The following OR10J1 variants were observed in gnomAD, a reference collection of about 807,000 sequenced individuals.
OR10J1 encodes the protein olfactory receptor 10J1.
For missense variants in OR10J1, 474 were observed against 376.6 expected, an observed-to-expected ratio of 1.26 and a Z score of -2.14; for synonymous variants, 202 against 143.8, an observed-to-expected ratio of 1.40 and a Z score of -2.89.
the OR10J1 span, among the ~76,000 whole-genome samples, chr1:159,411,556 T>C: frequency 1.3e-5 from 2 of 152,116 alleles, no homozygotes; most frequent in Non-Finnish European, 2.9e-5. Context: ...GCTTGGTAGA[T>C]CTTCCTCCAT....
the OR10J1 span, chr1:159,432,337 T>C: frequency 2.5e-6 from 1 of 401,454 alleles, no homozygotes. Flanking sequence ...AGCAATGCTA[T>C]CATCTTGATA....
At chr1:159,422,747 A>G in the OR10J1 span, among the ~76,000 whole-genome samples, 2 of 152,176 alleles carry the variant, frequency 1.3e-5, no homozygotes, top group African/African-American at 2.4e-5. Context: ...GAAGTTCCCT[A>G]TGTAAGTTTC....
Position 159,440,705 on chromosome 1 carries a change from G to T in OR10J1, c.914G>T (p.Gly305Val), listed in dbSNP as rs200953384. 221 of 1,609,962 alleles carry T rather than the reference G, an allele frequency of 1.4e-4. No individual in the cohort carries two copies. The highest frequency in any genetic ancestry group is 1.8e-4 in the Non-Finnish European group (209 of 1,176,824). ...EVKDALCRAV[G>V]GKFS ...AAAGATGCTCTGTGCAGGGCTGTTG[G>T]TGGGAAGTTTTCCTGACCATGTAGG... is the stretch of plus-strand genomic sequence containing the variant. The change falls in exon 1 of 1, where the codon GGT (glycine) becomes GTT (valine). Residue 305 changes from glycine to valine, a missense_variant. Coordinates refer to ENST00000423932, the MANE Select transcript of OR10J1 (RefSeq NM_012351.3).
the OR10J1 span, among the ~76,000 whole-genome samples, chr1:159,425,187 C>G: frequency 2.0e-5 from 3 of 152,088 alleles, no homozygotes; most frequent in Non-Finnish European, 2.9e-5. Context: ...AAAAAATTTA[C>G]ATCCCATGTT....
At chr1:159,401,265 T>C in the OR10J1 span, among the ~76,000 whole-genome samples, 14 of 151,730 alleles carry the variant, frequency 9.2e-5, no homozygotes, top group African/African-American at 3.4e-4. Context: ...AGAGCAGAAA[T>C]AAATAAGATT....
the OR10J1 span, among the ~76,000 whole-genome samples, chr1:159,418,740 A>T: frequency 1.3e-5 from 2 of 152,176 alleles, no homozygotes; most frequent in Admixed American, 6.5e-5. Context: ...TGGTAGATCT[A>T]CCAACAGCTT....
chr1:159,398,022 C>A, the OR10J1 span, among the ~76,000 whole-genome samples: 1 of 152,124 alleles, frequency 6.6e-6, no homozygotes, highest in Non-Finnish European at 1.5e-5. Flanking sequence ...TGTCACTACA[C>A]CCCCAGCTGT....
the OR10J1 span, among the ~76,000 whole-genome samples, chr1:159,422,964 C>T: frequency 6.6e-6 from 1 of 152,134 alleles, no homozygotes; most frequent in Admixed American, 6.6e-5. Flanking sequence ...CTGTTGAATT[C>T]TAGTGTTCTC....
the OR10J1 span, among the ~76,000 whole-genome samples, chr1:159,403,607 G>A: frequency 3.3e-5 from 5 of 152,070 alleles, no homozygotes; most frequent in East Asian, 7.7e-4. Context: ...CAAAAGACAA[G>A]ACAATAGCAA....
In OR10J1 at chr1:159,439,874, T is replaced by C. The variant is rs1459562584; in HGVS notation, c.83T>C (p.Phe28Ser). Reference sequence around the variant, plus strand: ...TTCCATGAGCAGCAGATCACCCTTTTTGGCGTGTTCCTTGCACTATACATC... The same window carrying C: ...TTCCATGAGCAGCAGATCACCCTTTCTGGCGTGTTCCTTGCACTATACATC... Reference protein sequence around the residue: ...SSFHEQQITLFGVFLALYILT... With the variant: ...SSFHEQQITLSGVFLALYILT... Residue 28 changes from phenylalanine (F) to serine (S), a missense_variant, in exon 1 of 1, where the codon TTT becomes TCT. Phe to Ser is a radical substitution (Grantham distance 155). Transcript: ENST00000423932. The C allele has an allele frequency of 6.2e-7, 1 of 1,614,086 alleles. No individual in the cohort carries two copies. The highest frequency in any genetic ancestry group is 8.5e-7 in the Non-Finnish European group (1 of 1,180,032).
At chr1:159,436,669 TAA>T (rs201093117), upstream of OR10J1, among the ~76,000 whole-genome samples, 10 of 144,740 alleles carry the variant, frequency 6.9e-5, no homozygotes, top group Non-Finnish European at 4.6e-5. Context: ...TTAGCGGTTT[TAA>T]AAAAAAAAAA....
upstream of OR10J1, chr1:159,433,234 G>T: frequency 2.5e-6 from 1 of 397,214 alleles, no homozygotes; most frequent in Non-Finnish European, 4.4e-6. Flanking sequence ...AAAGCACCAG[G>T]TGGCTGATCT....
At chr1:159,403,649 C>G in the OR10J1 span, among the ~76,000 whole-genome samples, 5 of 152,172 alleles carry the variant, frequency 3.3e-5, no homozygotes, top group Admixed American at 3.3e-4. Context: ...AAAGGGAACA[C>G]TTGCACACAG....
upstream of OR10J1, among the ~76,000 whole-genome samples, chr1:159,434,804 T>A (rs148371190): frequency 1.3e-5 from 2 of 152,120 alleles, no homozygotes; most frequent in African/African-American, 4.8e-5. Flanking sequence ...CCCTGGCACA[T>A]GGAAAGCTCT....
chr1:159,408,359 G>T, the OR10J1 span, among the ~76,000 whole-genome samples: 1 of 150,268 alleles, frequency 6.7e-6, no homozygotes, highest in Non-Finnish European at 1.5e-5. Context: ...GTAAACTATC[G>T]CAAGAACAAA....
At chr1:159,418,812 G>A in the OR10J1 span, among the ~76,000 whole-genome samples, 1 of 152,182 alleles carries the variant, frequency 6.6e-6, no homozygotes, top group African/African-American at 2.4e-5. Flanking sequence ...AGCTAGAAGG[G>A]AGGTTGTACC....
chr1:159,401,254 T>C, the OR10J1 span, among the ~76,000 whole-genome samples: 1 of 151,790 alleles, frequency 6.6e-6, no homozygotes, highest in South Asian at 2.1e-4. Context: ...TAATAAAGAT[T>C]AGAGCAGAAA....
At chr1:159,422,029 G>T in the OR10J1 span, among the ~76,000 whole-genome samples, 6 of 152,238 alleles carry the variant, frequency 3.9e-5, no homozygotes, top group East Asian at 1.9e-4. Context: ...GCTGCAATGC[G>T]CTGTACAGGC....
the OR10J1 span, among the ~76,000 whole-genome samples, chr1:159,417,547 T>C: frequency 3.3e-5 from 5 of 152,220 alleles, no homozygotes; most frequent in African/African-American, 1.2e-4. Flanking sequence ...TCTGCTGTCA[T>C]GTAAGACATG....
Sources: allele counts gnomAD v4.1 joint callset (sites outside exome capture counted in the v4.1 genomes callset), GRCh38; gene constraint gnomAD v4.1.1; transcripts MANE v1.5; gene names NCBI Gene and HGNC (gene_info 2026-07-23, HGNC 2026-07-21).